TRPM8: variants seen among roughly 807,000 people sequenced by gnomAD.
TRPM8 encodes the protein transient receptor potential cation channel subfamily M member 8, also known as TRPM8 cationic channel.
A neutral mutation model predicts 133.7 loss-of-function variants in TRPM8; 110 were observed. The ratio of observed to expected loss-of-function variants is 0.82; its 90% confidence interval spans 0.70 to 0.96. The LOEUF (loss-of-function observed/expected upper bound fraction) is 0.96, where lower values mean the gene tolerates loss of function less well. Ranked by LOEUF, TRPM8 falls within the 40% of genes least tolerant of loss-of-function variation. TRPM8 has a pLI of 0.00. For synonymous variants in TRPM8, 535 were observed against 532.3 expected (o/e 1.01, Z -0.07); for missense variants, 1,291 against 1,379.5 (o/e 0.94, Z 1.02).
chr2:233,946,858 T>A (rs1441670634), intron 7 of TRPM8, among the ~76,000 whole-genome samples: 1 of 152,220 alleles, frequency 6.6e-6, no homozygotes, highest in African/African-American at 2.4e-5. Flanking sequence ...AAATATGTAT[T>A]TTAAATATCA....
chr2:234,017,171 A>T (rs1467587518), intron 25 of TRPM8, 128 bp from the exon 26 acceptor site: 1 of 353,028 alleles, frequency 2.8e-6, no homozygotes, highest in Non-Finnish European at 5.6e-6. Context: ...AAAATCTCTC[A>T]ACTTTGGTGG....
chr2:233,996,288 G>C, intron 21 of TRPM8, 38 bp from the exon 22 acceptor site: 1 of 1,596,666 alleles, frequency 6.3e-7, no homozygotes, highest in Non-Finnish European at 8.6e-7. Context: ...TGAGGCATGC[G>C]CAATGCTAAG....
intron 5 of TRPM8, 44 bp downstream of exon 5, chr2:233,939,219 C>T (rs202021733): frequency 2.2e-5 from 36 of 1,603,306 alleles, no homozygotes; most frequent in Non-Finnish European, 2.8e-5. Flanking sequence ...ATTCGGGCTG[C>T]ACCAAGTTTG....
intron 17 of TRPM8, among the ~76,000 whole-genome samples, chr2:233,971,357 C>T (rs929713335): frequency 1.3e-5 from 2 of 152,106 alleles, no homozygotes; most frequent in South Asian, 2.1e-4. Context: ...GACTTCTAGC[C>T]GTCCTGGGTT....
chr2:233,992,095 GA>G (rs1451266475), intron 21 of TRPM8, among the ~76,000 whole-genome samples: 5 of 152,048 alleles, frequency 3.3e-5, no homozygotes, highest in Non-Finnish European at 5.9e-5. Flanking sequence ...ATGGTAGGGG[GA>G]AAAAAGTAAG....
At chr2:233,946,998 C>T in intron 7 of TRPM8, 90 bp from the exon 8 acceptor site, 1 of 1,169,406 alleles carries the variant, frequency 8.6e-7, no homozygotes, top group East Asian at 2.5e-5. Context: ...CCTAGGCTCA[C>T]AGGGCAGAAG....
intron 1 of TRPM8, among the ~76,000 whole-genome samples, chr2:233,917,691 TA>T (rs1452904282): frequency 1.3e-5 from 2 of 152,210 alleles, no homozygotes; most frequent in African/African-American, 4.8e-5. Context: ...TGACTTTAAA[TA>T]TAATTACAGT....
At chr2:233,927,713 T>A (rs899842288) in intron 2 of TRPM8, among the ~76,000 whole-genome samples, 10 of 12,566 alleles carry the variant, frequency 8.0e-4, no homozygotes, top group Admixed American at 7.1e-3. Context: ...TCTGTCTCTT[T>A]CTTTCTTTCT....
chr2:234,017,896 A>C lies in TRPM8; in HGVS notation c.*640A>C, dbSNP rs1692994544. Reference sequence around the variant, plus strand: ...GACTCACCAGGCTCCTATTGAAGGAACCACCCCCATTCCTAAATATGTGAA... The same window carrying C: ...GACTCACCAGGCTCCTATTGAAGGACCCACCCCCATTCCTAAATATGTGAA... On this transcript the variant is annotated 3_prime_UTR_variant, in exon 26 of 26. Coordinates refer to ENST00000324695, the MANE Select transcript of TRPM8 (RefSeq NM_024080.5). 6.6e-6 allele frequency: 1 copy of C among 152,198 alleles called. No individual in the cohort carries two copies. The highest frequency in any genetic ancestry group is 2.4e-5 in the African/African-American group (1 of 41,436). 9.4% of individuals were successfully genotyped at this position (152,198 alleles called of 1,614,324 possible).
At chr2:234,000,146 T>C (rs907109632) in intron 22 of TRPM8, among the ~76,000 whole-genome samples, 3 of 149,492 alleles carry the variant, frequency 2.0e-5, no homozygotes, top group Non-Finnish European at 4.4e-5. Flanking sequence ...AGTCTCTCTG[T>C]GTTGCCCAGG....
intron 16 of TRPM8, 104 bp from the exon 17 acceptor site, chr2:233,970,106 C>A (rs1574740596): frequency 9.2e-7 from 1 of 1,088,328 alleles, no homozygotes; most frequent in East Asian, 2.4e-5. Flanking sequence ...CCGTCTCTTC[C>A]TCCTGGCTAT....
intron 22 of TRPM8, among the ~76,000 whole-genome samples, chr2:233,999,687 T>G (rs953502647): frequency 6.6e-6 from 1 of 152,226 alleles, no homozygotes; most frequent in Non-Finnish European, 1.5e-5. Flanking sequence ...GTGGCGCCCT[T>G]GGAGCAAGGT....
chr2:233,919,753 A>G (rs564894686), intron 1 of TRPM8, among the ~76,000 whole-genome samples: 125 of 152,072 alleles, frequency 8.2e-4, no homozygotes, highest in Non-Finnish European at 1.6e-3. Flanking sequence ...TATTACTGAC[A>G]TTTGGATGGT....
At chr2:233,966,821 C>T (rs1691589096) in intron 15 of TRPM8, 66 bp downstream of exon 15, 1 of 1,433,436 alleles carries the variant, frequency 7.0e-7, no homozygotes, top group Admixed American at 2.9e-5. Context: ...ATGCTACTAG[C>T]AGCATTAAAC....
intron 22 of TRPM8, among the ~76,000 whole-genome samples, chr2:233,999,518 T>C (rs1173533637): frequency 1.3e-5 from 2 of 151,822 alleles, no homozygotes; most frequent in Admixed American, 6.6e-5. Flanking sequence ...CGTGGCCCTG[T>C]TTGGCCATCG....
rs1276488754 is a variant in TRPM8, at chr2:233,930,569, A to C, written c.118-99A>C. On this transcript the variant is annotated intron_variant, in intron 2 of 25. Coordinates refer to ENST00000324695, the MANE Select transcript of TRPM8 (RefSeq NM_024080.5). ...CTATGAATATGTGGTAAATTCTTAA[A>C]GCCTTTGAAGTGGGGTTACATCATA... is the stretch of plus-strand genomic sequence containing the variant. The C allele has an allele frequency of 6.7e-6, 5 of 741,910 alleles. No homozygotes were observed. The African/African-American group carries it at 7.1e-5, about 11-fold the overall frequency. 46.0% of individuals were successfully genotyped at this position (741,910 alleles called of 1,614,324 possible).
chr2:233,958,383 A>G (rs1347114369), intron 11 of TRPM8, among the ~76,000 whole-genome samples: 1 of 152,222 alleles, frequency 6.6e-6, no homozygotes, highest in Non-Finnish European at 1.5e-5. Flanking sequence ...CTCTTCTCAT[A>G]TGCTGGTGGT....
At chr2:233,991,085 G>A (rs1411712020) in intron 21 of TRPM8, among the ~76,000 whole-genome samples, 4 of 152,104 alleles carry the variant, frequency 2.6e-5, no homozygotes, top group Admixed American at 2.6e-4. Flanking sequence ...AGTGTTGGTA[G>A]GAGAGGTAGA....
intron 14 of TRPM8, among the ~76,000 whole-genome samples, chr2:233,965,236 T>G (rs1329134757): frequency 6.6e-6 from 1 of 152,172 alleles, no homozygotes; most frequent in Non-Finnish European, 1.5e-5. Flanking sequence ...CTGAGTAGCA[T>G]CTGGGATGCT....
Sources: gnomAD v4.1 joint callset for allele counts (sites outside exome capture counted in the v4.1 genomes callset) on GRCh38, gnomAD v4.1.1 for gene constraint, MANE v1.5 for transcripts, NCBI Gene and HGNC (gene_info 2026-07-23, HGNC 2026-07-21) for gene names.